The following DEFB124 variants were observed in gnomAD, a reference collection of about 807,000 sequenced individuals.
The protein encoded by DEFB124 is beta-defensin 124.
For missense variants in DEFB124, 78 were observed against 83.1 expected (o/e 0.94, Z 0.24); for synonymous variants, 38 against 36.5 (o/e 1.04, Z -0.15).
intron 2 of DEFB124, among the ~76,000 whole-genome samples, chr20:31,469,043 T>G (rs190264239): frequency 6.6e-6 from 1 of 152,230 alleles, no homozygotes; most frequent in Non-Finnish European, 1.5e-5. Context: ...ATAATAAAAA[T>G]GTTTAAAACT....
chr20:31,470,326 G>C (rs549721774), intron 2 of DEFB124, among the ~76,000 whole-genome samples: 1 of 143,362 alleles, frequency 7.0e-6, no homozygotes, highest in Non-Finnish European at 1.5e-5. Context: ...CAGTAGGGGC[G>C]GCCGGGCAGA....
chr20:31,471,297 TG>T (rs1360493124), intron 2 of DEFB124, among the ~76,000 whole-genome samples: 7 of 108,738 alleles, frequency 6.4e-5, no homozygotes, highest in East Asian at 3.4e-4. Flanking sequence ...ACGGGGCGGC[TG>T]GCCGGGCGGG....
At chr20:31,466,848 G>A (rs998421281) in intron 2 of DEFB124, among the ~76,000 whole-genome samples, 1 of 152,038 alleles carries the variant, frequency 6.6e-6, no homozygotes, top group Non-Finnish European at 1.5e-5. Flanking sequence ...GTCACAACAT[G>A]GGATGGAGCC....
chr20:31,470,349 C>T (rs368572602), intron 2 of DEFB124, among the ~76,000 whole-genome samples: 22 of 129,068 alleles, frequency 1.7e-4, no homozygotes, highest in East Asian at 5.0e-4. Flanking sequence ...CGCCCCTCAC[C>T]CCCCGGACGG....
intron 2 of DEFB124, among the ~76,000 whole-genome samples, chr20:31,466,638 G>A (rs1980092051): frequency 1.1e-5 from 1 of 89,830 alleles, no homozygotes. Flanking sequence ...CTTATCCGAG[G>A]TCATACCACC....
intron 1 of DEFB124, among the ~76,000 whole-genome samples, chr20:31,473,450 C>T (rs1213649420): frequency 6.6e-6 from 1 of 152,162 alleles, no homozygotes; most frequent in African/African-American, 2.4e-5. Context: ...GCATCCCTTA[C>T]AAGGCCAAGT....
chr20:31,468,992 G>A (rs1304783158), intron 2 of DEFB124, among the ~76,000 whole-genome samples: 4 of 151,946 alleles, frequency 2.6e-5, no homozygotes, highest in Non-Finnish European at 5.9e-5. Flanking sequence ...AACTCATGCT[G>A]TTACAGTATT....
chr20:31,468,749 A>T (rs1286050708), intron 2 of DEFB124, among the ~76,000 whole-genome samples: 1 of 151,722 alleles, frequency 6.6e-6, no homozygotes, highest in Non-Finnish European at 1.5e-5. Flanking sequence ...TGCTGGGATT[A>T]CAGGCGTGAG....
chr20:31,469,990 G>C (rs1172992332), intron 2 of DEFB124, among the ~76,000 whole-genome samples: 1 of 149,722 alleles, frequency 6.7e-6, no homozygotes, highest in Non-Finnish European at 1.5e-5. Context: ...GGTGGTGGCC[G>C]GGCAGAGGGG....
At chr20:31,465,849 A>T (rs891994840) in intron 2 of DEFB124, among the ~76,000 whole-genome samples, 186 bp from the exon 3 acceptor site, 1 of 152,136 alleles carries the variant, frequency 6.6e-6, no homozygotes, top group South Asian at 2.1e-4. Flanking sequence ...CATAGGTTAG[A>T]CCATTAGTTA....
intron 2 of DEFB124, among the ~76,000 whole-genome samples, chr20:31,471,048 G>C (rs1244522362): frequency 7.3e-6 from 1 of 136,646 alleles, no homozygotes; most frequent in Non-Finnish European, 1.6e-5. Context: ...CTGGCCGGGC[G>C]GGGGGCTGAC....
intron 1 of DEFB124, 47 bp from the exon 2 acceptor site, chr20:31,473,085 G>A: frequency 6.4e-7 from 1 of 1,554,468 alleles, no homozygotes; most frequent in Non-Finnish European, 8.8e-7. Context: ...GAGCCTCGCT[G>A]CTTCCAGCCC....
chr20:31,470,202 G>C (rs1980201550), intron 2 of DEFB124, among the ~76,000 whole-genome samples: 1 of 145,044 alleles, frequency 6.9e-6, no homozygotes, highest in Admixed American at 6.7e-5. Flanking sequence ...GCCGGGCGGG[G>C]GGCTGACCCC....
intron 1 of DEFB124, among the ~76,000 whole-genome samples, 21 bp downstream of exon 1, chr20:31,474,606 C>G (rs150239211): frequency 6.6e-6 from 1 of 152,328 alleles, no homozygotes; most frequent in Non-Finnish European, 1.5e-5. Context: ...CACCAGCAAT[C>G]TCTTTCCTCC....
At position 31,471,932 on chromosome 20, in the gene DEFB124, C is replaced by T. The variant is rs867646882; in HGVS notation, c.58+1024G>A. ...TCACTTTCCAGACTGGGCAGCCAGG[C>T]AGAGGGGCTCCTCACGTCCCAGACG... On this transcript the variant is annotated intron_variant, in intron 2 of 2. Transcript: ENST00000317676. Among the ~76,000 whole-genome samples, 12 of 151,306 alleles carry T rather than the reference C, an allele frequency of 7.9e-5. No individual in the cohort carries two copies. The South Asian group carries it at 8.4e-4, about 11-fold the overall frequency.
At chr20:31,467,405 A>T (rs1184526929) in intron 2 of DEFB124, among the ~76,000 whole-genome samples, 1 of 152,188 alleles carries the variant, frequency 6.6e-6, no homozygotes, top group Non-Finnish European at 1.5e-5. Context: ...ATAATCGTTA[A>T]CAGTGTGGTG....
chr20:31,470,210 C>A (rs1328270801), intron 2 of DEFB124, among the ~76,000 whole-genome samples: 1 of 142,078 alleles, frequency 7.0e-6, no homozygotes, highest in African/African-American at 2.7e-5. Flanking sequence ...GGGGGCTGAC[C>A]CCCCCACCTC....
intron 2 of DEFB124, among the ~76,000 whole-genome samples, chr20:31,470,876 G>A (rs1476302711): frequency 7.0e-6 from 1 of 143,538 alleles, no homozygotes; most frequent in African/African-American, 2.6e-5. Flanking sequence ...TGGCCGGGCG[G>A]GGGGCTGAGC....
chr20:31,469,446 T>C (rs1980169222), intron 2 of DEFB124, among the ~76,000 whole-genome samples: 1 of 152,186 alleles, frequency 6.6e-6, no homozygotes, highest in Non-Finnish European at 1.5e-5. Context: ...AATCTTTTTT[T>C]TTTTTAATTT....
Sources: allele counts gnomAD v4.1 joint callset (sites outside exome capture counted in the v4.1 genomes callset), GRCh38; gene constraint gnomAD v4.1.1; transcripts MANE v1.5; gene names NCBI Gene and HGNC (gene_info 2026-07-23, HGNC 2026-07-21).